Variants in TDRD3 observed in about 807,000 individuals in gnomAD.
TDRD3 encodes the protein tudor domain containing 3.
In TDRD3, 45 loss-of-function variants were observed where a neutral mutation model predicts 86.7. That is an observed-to-expected ratio of 0.52 (90% CI 0.41 to 0.67). The LOEUF (loss-of-function observed/expected upper bound fraction) is 0.67, where lower values mean the gene tolerates loss of function less well. Among genes scored for constraint, TDRD3 ranks in the 30% least tolerant of loss-of-function variants. The pLI is 0.00. For missense variants in TDRD3, 814 were observed against 889.0 expected, an observed-to-expected ratio of 0.92 and a Z score of 1.07; for synonymous variants, 298 against 301.7, an observed-to-expected ratio of 0.99 and a Z score of 0.13.
At chr13:60,537,178 A>T (rs1182218738) in intron 12 of TDRD3, 1 of 152,026 alleles carries the variant, frequency 6.6e-6, no homozygotes, top group Non-Finnish European at 1.5e-5. Flanking sequence ...AGATTCTGGT[A>T]TTTCTTTTCT....
intron 1 of TDRD3, among the ~76,000 whole-genome samples, chr13:60,421,088 C>T (rs975345274): frequency 6.6e-6 from 1 of 152,168 alleles, no homozygotes; most frequent in African/African-American, 2.4e-5. Context: ...GAGCCCTCAT[C>T]TTTTCTTTCA....
chr13:60,464,465 T>C (rs577679497), intron 4 of TDRD3, among the ~76,000 whole-genome samples: 1 of 152,252 alleles, frequency 6.6e-6, no homozygotes. Context: ...ATTTTTATTG[T>C]AGCACTATTC....
At chr13:60,510,502 T>C (rs1957032549) in intron 9 of TDRD3, 128 bp from the exon 10 acceptor site, 2 of 993,942 alleles carry the variant, frequency 2.0e-6, no homozygotes, top group Non-Finnish European at 2.6e-6. Flanking sequence ...TTAAAAGATG[T>C]AGACTATACA....
chr13:60,415,731 G>A (rs1003536794), intron 1 of TDRD3, among the ~76,000 whole-genome samples: 1 of 152,018 alleles, frequency 6.6e-6, no homozygotes, highest in African/African-American at 2.4e-5. Flanking sequence ...TGGATCTTCC[G>A]GGAACTACCA....
At chr13:60,492,207 T>C (rs1956603519) in intron 7 of TDRD3, among the ~76,000 whole-genome samples, 1 of 152,190 alleles carries the variant, frequency 6.6e-6, no homozygotes, top group African/African-American at 2.4e-5. Flanking sequence ...AAGATGGGAC[T>C]ATTTCACTGG....
At chr13:60,400,375 C>T (rs749677214) in intron 1 of TDRD3, among the ~76,000 whole-genome samples, 2 of 152,210 alleles carry the variant, frequency 1.3e-5, no homozygotes, top group Non-Finnish European at 2.9e-5. Flanking sequence ...TCTCTTCCAT[C>T]TCCTCCTTTG....
At chr13:60,517,458 T>G (rs1957199041) in intron 10 of TDRD3, among the ~76,000 whole-genome samples, 2 of 152,210 alleles carry the variant, frequency 1.3e-5, no homozygotes, top group South Asian at 4.1e-4. Context: ...TTACTACATA[T>G]TGATGGAAAT....
At chr13:60,467,941 G>A (rs961031312) in intron 5 of TDRD3, among the ~76,000 whole-genome samples, 2 of 152,022 alleles carry the variant, frequency 1.3e-5, no homozygotes, top group Admixed American at 6.6e-5. Flanking sequence ...GTCAAATCTC[G>A]TATCACTTCC....
At chr13:60,566,071 T>C (rs1958452415) in intron 12 of TDRD3, among the ~76,000 whole-genome samples, 1 of 152,186 alleles carries the variant, frequency 6.6e-6, no homozygotes, top group Non-Finnish European at 1.5e-5. Context: ...TCAGTGATGA[T>C]AGGCCCCTCA....
intron 4 of TDRD3, 81 bp from the exon 5 acceptor site, chr13:60,467,157 C>T: frequency 6.5e-7 from 1 of 1,535,768 alleles, no homozygotes; most frequent in Non-Finnish European, 8.8e-7. Flanking sequence ...GCCTGACAGG[C>T]CCCGGTCTGT....
At chr13:60,505,940 C>T (rs1312663764) in intron 8 of TDRD3, among the ~76,000 whole-genome samples, 1 of 152,150 alleles carries the variant, frequency 6.6e-6, no homozygotes, top group Non-Finnish European at 1.5e-5. Flanking sequence ...AGAATGGAAC[C>T]AAGTTGGAAA....
At chr13:60,404,741 A>T (rs1449826875) in intron 1 of TDRD3, among the ~76,000 whole-genome samples, 3 of 152,140 alleles carry the variant, frequency 2.0e-5, no homozygotes, top group African/African-American at 4.8e-5. Flanking sequence ...AGTAGCTGGG[A>T]TTACAGGTGC....
At chr13:60,541,146 A>ATTCTTTCTTTCTTTCTTTCTTTCT (rs138633350) in intron 12 of TDRD3, among the ~76,000 whole-genome samples, 1 of 149,812 alleles carries the variant, frequency 6.7e-6, no homozygotes, top group African/African-American at 2.5e-5. Flanking sequence ...TTGTTTTTCT[A>ATTCTTTCTTTCTTTCTTTCTTTCT]TTCTTTCTTT....
chr13:60,397,825 C>T (rs1263209994), intron 1 of TDRD3, among the ~76,000 whole-genome samples: 1 of 151,948 alleles, frequency 6.6e-6, no homozygotes, highest in Admixed American at 6.5e-5. Context: ...CGAAGTGCGG[C>T]GGAGAGGGAC....
intron 10 of TDRD3, among the ~76,000 whole-genome samples, chr13:60,513,662 T>A (rs1566261208): frequency 6.6e-6 from 1 of 152,150 alleles, no homozygotes; most frequent in Non-Finnish European, 1.5e-5. Context: ...CCCGAGATGT[T>A]CTTGTGATAG....
intron 10 of TDRD3, among the ~76,000 whole-genome samples, chr13:60,513,791 T>G (rs1047161799): frequency 1.1e-4 from 16 of 152,242 alleles, no homozygotes; most frequent in African/African-American, 3.9e-4. Flanking sequence ...CTGCCATGAT[T>G]GTGAGGCTTC....
chr13:60,467,151 G>A, intron 4 of TDRD3, 87 bp from the exon 5 acceptor site: 1 of 1,499,058 alleles, frequency 6.7e-7, no homozygotes, highest in Non-Finnish European at 9.0e-7. Flanking sequence ...CCCACTGCCT[G>A]ACAGGCCCCG....
intron 12 of TDRD3, among the ~76,000 whole-genome samples, chr13:60,546,980 G>A (rs568481958): frequency 1.3e-4 from 20 of 152,010 alleles, no homozygotes; most frequent in African/African-American, 4.6e-4. Context: ...AACTTTCTGA[G>A]TTTTTCAGAT....
chr13:60,435,203 G>A (rs532016379), intron 1 of TDRD3, among the ~76,000 whole-genome samples: 2 of 152,168 alleles, frequency 1.3e-5, no homozygotes, highest in Admixed American at 6.5e-5. Context: ...TGAAAATTAT[G>A]GAGTAAACCT....
Sources: allele counts gnomAD v4.1 joint callset (sites outside exome capture counted in the v4.1 genomes callset), GRCh38; gene constraint gnomAD v4.1.1; transcripts MANE v1.5; gene names NCBI Gene and HGNC (gene_info 2026-07-23, HGNC 2026-07-21).